FBXL17: variants seen among roughly 807,000 people sequenced by gnomAD.
The protein encoded by FBXL17 is F-box/LRR-repeat protein 17.
A neutral mutation model predicts 66.2 loss-of-function variants in FBXL17; 22 were observed. That is an observed-to-expected ratio of 0.33 (90% CI 0.24 to 0.47). FBXL17 has a LOEUF of 0.47. Ranked by LOEUF, FBXL17 falls within the 20% of genes least tolerant of loss-of-function variation. FBXL17 has a pLI of 1.00. For synonymous variants in FBXL17, 474 were observed against 400.5 expected, an observed-to-expected ratio of 1.18 and a Z score of -2.19; for missense variants, 878 against 948.2, an observed-to-expected ratio of 0.93 and a Z score of 0.97.
chr5:108,009,308 T>TATATATATACACAC lies in FBXL17; in HGVS notation c.1822+11616_1822+11617insGTGTGTATATATAT. ...ATATATATATATATATATACATATA[T>TATATATATACACAC]ACATACACATATAGTTTTGCTTTTG... On this transcript the variant is annotated intron_variant, in intron 7 of 8. Coordinates refer to ENST00000542267, the MANE Select transcript of FBXL17 (RefSeq NM_001163315.3). Among the ~76,000 whole-genome samples the TATATATATACACAC allele has an allele frequency of 9.2e-3, 390 of 42,198 alleles. 63 individuals carry two copies. Among genetic ancestry groups the TATATATATACACAC allele is most frequent in the East Asian group, 0.019 (21 of 1,086 alleles). The allele number at this position is 42,198 out of a possible 152,430, so 27.7% of individuals were successfully genotyped here. A position where few individuals can be genotyped will look rare whatever the true frequency, so the allele number is the denominator to read the frequency against.
chr5:107,872,893 G>C (rs1748501135), intron 8 of FBXL17, among the ~76,000 whole-genome samples: 1 of 152,214 alleles, frequency 6.6e-6, no homozygotes, highest in Non-Finnish European at 1.5e-5. Context: ...TGGCAGTCTG[G>C]TGAAATGGAA....
intron 4 of FBXL17, among the ~76,000 whole-genome samples, chr5:108,313,834 T>G (rs560163002): frequency 1.1e-4 from 17 of 151,952 alleles, no homozygotes; most frequent in African/African-American, 3.6e-4. Flanking sequence ...TTTTGAACAA[T>G]TAATACAGTA....
chr5:107,978,065 T>A (rs1752653292), intron 7 of FBXL17, among the ~76,000 whole-genome samples: 2 of 151,912 alleles, frequency 1.3e-5, no homozygotes, highest in Admixed American at 6.6e-5. Flanking sequence ...GCATTTCTTA[T>A]TCAGTCAGCC....
intron 8 of FBXL17, 82 bp downstream of exon 8, chr5:107,880,955 T>C (rs1012933198): frequency 7.5e-6 from 12 of 1,610,356 alleles, no homozygotes; most frequent in Non-Finnish European, 8.5e-6. Flanking sequence ...GGGGTGGAGA[T>C]AGAGAAGGAG....
chr5:108,333,863 T>G lies in FBXL17; in HGVS notation c.1506+14536A>C, dbSNP rs115790259. On this transcript the variant is annotated intron_variant, in intron 4 of 8. Transcript: ENST00000542267. ...TTATGTGCAAAGAGTTAATTCAAAT[T>G]TATTCAAAATTACTTAGTGAGGTAA... 6.1e-3 allele frequency among the ~76,000 whole-genome samples: 931 copies of G among 152,238 alleles called. 3 individuals carry two copies. Among genetic ancestry groups the G allele is most frequent in the Admixed American group, 0.012 (179 of 15,298 alleles).
intron 2 of FBXL17, among the ~76,000 whole-genome samples, chr5:108,365,205 C>T (rs1018135727): frequency 6.6e-6 from 1 of 151,934 alleles, no homozygotes; most frequent in African/African-American, 2.4e-5. Context: ...GAATTCTTGC[C>T]ACATATTTCC....
At chr5:108,248,534 G>A (rs1325402694) in intron 4 of FBXL17, among the ~76,000 whole-genome samples, 1 of 151,942 alleles carries the variant, frequency 6.6e-6, no homozygotes, top group Non-Finnish European at 1.5e-5. Context: ...GACTAAAACG[G>A]TATTTAAAGA....
intron 4 of FBXL17, among the ~76,000 whole-genome samples, chr5:108,228,063 G>C (rs549848014): frequency 6.6e-6 from 1 of 152,120 alleles, no homozygotes; most frequent in Non-Finnish European, 1.5e-5. Flanking sequence ...CATTCAGAGA[G>C]AAAAAGTGGG....
chr5:107,868,728 C>T (rs893281836), intron 8 of FBXL17, among the ~76,000 whole-genome samples: 2 of 152,238 alleles, frequency 1.3e-5, no homozygotes, highest in Non-Finnish European at 2.9e-5. Context: ...AGAAGGAAGC[C>T]TGCAGTAGGC....
chr5:108,014,959 GCC>G (rs1193395527), intron 7 of FBXL17, among the ~76,000 whole-genome samples: 61 of 151,984 alleles, frequency 4.0e-4, no homozygotes, highest in Non-Finnish European at 6.3e-4. Context: ...ATTCACTACC[GCC>G]ACAACAGTAT....
intron 4 of FBXL17, among the ~76,000 whole-genome samples, chr5:108,269,315 TTTAA>T (rs778530837): frequency 2.4e-4 from 36 of 152,182 alleles, no homozygotes; most frequent in Non-Finnish European, 4.1e-4. Flanking sequence ...TCTTAAGTTC[TTTAA>T]TTATTTCCTT....
At chr5:108,041,646 TA>T (rs1439111032) in intron 6 of FBXL17, among the ~76,000 whole-genome samples, 1 of 151,976 alleles carries the variant, frequency 6.6e-6, no homozygotes, top group Non-Finnish European at 1.5e-5. Context: ...TCGAACTCCT[TA>T]GCTCAAGTGA....
At chr5:108,378,724 C>T (rs1049804945) in intron 1 of FBXL17, among the ~76,000 whole-genome samples, 1 of 152,222 alleles carries the variant, frequency 6.6e-6, no homozygotes, top group Non-Finnish European at 1.5e-5. Flanking sequence ...AGACTCTAAA[C>T]ACCTGATGAT....
chr5:107,899,421 A>G (rs1487737871), intron 7 of FBXL17, among the ~76,000 whole-genome samples: 1 of 152,170 alleles, frequency 6.6e-6, no homozygotes, highest in Non-Finnish European at 1.5e-5. Flanking sequence ...CGAGAGGGAC[A>G]GCCTGAGGCC....
At chr5:108,236,851 G>A (rs1027311656) in intron 4 of FBXL17, among the ~76,000 whole-genome samples, 13 of 152,208 alleles carry the variant, frequency 8.5e-5, no homozygotes, top group Non-Finnish European at 1.5e-4. Context: ...CCAGCATAAA[G>A]TAATCTCCTT....
At chr5:107,936,520 T>G (rs1750913150) in intron 7 of FBXL17, among the ~76,000 whole-genome samples, 1 of 152,116 alleles carries the variant, frequency 6.6e-6, no homozygotes, top group Admixed American at 6.6e-5. Context: ...TTCCTCCCCT[T>G]GCACCACCTT....
At chr5:107,935,931 A>C (rs1005850127) in intron 7 of FBXL17, among the ~76,000 whole-genome samples, 1 of 152,264 alleles carries the variant, frequency 6.6e-6, no homozygotes, top group Middle Eastern at 3.4e-3. Flanking sequence ...AGCTCAAGAA[A>C]TCCTGGAGAA....
intron 1 of FBXL17, among the ~76,000 whole-genome samples, chr5:108,373,389 T>TATTAATATAAATA (rs1749197074): frequency 8.4e-5 from 12 of 143,026 alleles, no homozygotes; most frequent in African/African-American, 3.1e-4. Flanking sequence ...TCTAAATATA[T>TATTAATATAAATA]TAATATATTT....
At chr5:107,975,168 T>G (rs1483463972) in intron 7 of FBXL17, among the ~76,000 whole-genome samples, 3 of 152,330 alleles carry the variant, frequency 2.0e-5, no homozygotes, top group African/African-American at 7.2e-5. Context: ...GAGCTATGAA[T>G]TGCCTATAAA....
Sources: gnomAD v4.1 joint callset for allele counts (sites outside exome capture counted in the v4.1 genomes callset) on GRCh38, gnomAD v4.1.1 for gene constraint, MANE v1.5 for transcripts, NCBI Gene and HGNC (gene_info 2026-07-23, HGNC 2026-07-21) for gene names.